Variants in NFKBIB observed in about 807,000 individuals in gnomAD.
NFKBIB encodes NFKB inhibitor beta.
NFKBIB carries 16 observed loss-of-function variants against 32.1 expected under a neutral mutation model. That is an observed-to-expected ratio of 0.50 (90% confidence interval 0.34 to 0.76). The LOEUF (loss-of-function observed/expected upper bound fraction) is 0.76, where lower values mean the gene tolerates loss of function less well. NFKBIB is among the 30% of genes least tolerant of loss of function. NFKBIB has a pLI of 0.01. For missense variants in NFKBIB, 437 were observed against 514.9 expected, an observed-to-expected ratio of 0.85 and a Z score of 1.46; for synonymous variants, 222 against 219.5, an observed-to-expected ratio of 1.01 and a Z score of -0.10.
At chr19:38,902,081 A>ATTTTTTTTTTT (rs1220793422) in intron 1 of NFKBIB, among the ~76,000 whole-genome samples, 1 of 56,460 alleles carries the variant, frequency 1.8e-5, no homozygotes. Context: ...TTTTCATTTT[A>ATTTTTTTTTTT]TTTCTTTTTT....
Position 38,908,733 on chromosome 19 carries a change from T to G in NFKBIB, c.972T>G (p.Asp324Glu). The G allele has an allele frequency of 1.2e-6, 2 of 1,612,174 alleles. No individual in the cohort carries two copies. The highest frequency in any genetic ancestry group is 1.7e-6 in the Non-Finnish European group (2 of 1,179,194). Residue 324 changes from aspartate (D) to glutamate (E), a missense_variant and splice_region_variant, in exon 6 of 6, where the codon GAT (aspartate) becomes GAG (glutamate). Coordinates refer to ENST00000313582, the MANE Select transcript of NFKBIB (RefSeq NM_002503.5). ...TGCCTGGTCCCCTTTGCCCCCAGGA[T>G]GAATACGACGACATTGTGGTTCACA... is the stretch of plus-strand genomic sequence containing the variant. ...SSDSDSGDEG[D>E]EYDDIVVHSS...
chr19:38,901,692 C>A (rs1973971064), intron 1 of NFKBIB, among the ~76,000 whole-genome samples: 1 of 152,080 alleles, frequency 6.6e-6, no homozygotes, highest in Non-Finnish European at 1.5e-5. Flanking sequence ...GCAGTTTCAC[C>A]ATGTTGGCCA....
At chr19:38,907,957 G>A (rs1974196986) in intron 5 of NFKBIB, 2 of 1,234,350 alleles carry the variant, frequency 1.6e-6, no homozygotes, top group South Asian at 2.9e-5. Flanking sequence ...TAGCGCTGGG[G>A]GTGATTTTAG....
chr19:38,907,134 G>T, intron 3 of NFKBIB, 87 bp from the exon 4 acceptor site: 2 of 1,242,698 alleles, frequency 1.6e-6, no homozygotes, highest in Admixed American at 4.1e-5. Context: ...TCACCCTCAC[G>T]CCACATGACC....
chr19:38,908,728 CA>C lies in NFKBIB; in HGVS notation c.970-2del. 1 of 1,611,530 alleles carries C rather than the reference CA, an allele frequency of 6.2e-7. No homozygotes were observed. The highest frequency in any genetic ancestry group is 8.5e-7 in the Non-Finnish European group (1 of 1,178,874). ...CCCTCTGCCTGGTCCCCTTTGCCCC[CA>C]GGATGAATACGACGACATTGTGGTT... On this transcript the variant is annotated splice_acceptor_variant, in intron 5 of 5. Transcript: ENST00000313582. LOFTEE classifies it high-confidence loss of function.
intron 1 of NFKBIB, 133 bp downstream of exon 1, chr19:38,900,344 A>C: frequency 1.0e-6 from 1 of 970,658 alleles, no homozygotes; most frequent in Middle Eastern, 2.3e-4. Flanking sequence ...CTGACCTCTA[A>C]CCCCCGAGTC....
upstream of NFKBIB, chr19:38,899,861 C>CT (rs1235230155): frequency 1.1e-5 from 8 of 760,470 alleles, no homozygotes; most frequent in Non-Finnish European, 1.5e-5. Flanking sequence ...CCCGAATACT[C>CT]TGATTGGTCA....
In NFKBIB at chr19:38,905,538, G is replaced by A. The variant is rs1293305379; in HGVS notation, c.619+3G>A. 11 of 1,596,400 alleles carry A rather than the reference G, an allele frequency of 6.9e-6. No individual in the cohort carries two copies. The highest frequency in any genetic ancestry group is 3.4e-5 in the Admixed American group (2 of 58,324). Reference sequence around the variant, plus strand: ...GCTGGAGGCTGAAAACTACGAGGGTGAGGGTCGTCACCAGGGAAGGACTCA... The same window carrying A: ...GCTGGAGGCTGAAAACTACGAGGGTAAGGGTCGTCACCAGGGAAGGACTCA... On this transcript the variant is annotated splice_donor_region_variant and intron_variant, in intron 3 of 5. Coordinates refer to ENST00000313582, the MANE Select transcript of NFKBIB (RefSeq NM_002503.5). This position sits in a 1 kb window ranked among gnomAD's most constrained non-coding sequence, Gnocchi z 5.5.
chr19:38,906,439 G>A (rs568639576), intron 3 of NFKBIB, among the ~76,000 whole-genome samples: 4 of 149,310 alleles, frequency 2.7e-5, no homozygotes, highest in African/African-American at 5.0e-5. Context: ...GTGAGCCACC[G>A]TGCCTGGGCA....
chr19:38,902,085 C>CTTTTTTTTTTTTTTTTTTTTTTTTTTTT lies in NFKBIB; in HGVS notation c.179+1887_179+1888insTTTTTTTTTTTTTTTTTTTTTTTTTTTT, dbSNP rs74176475. 5.4e-5 allele frequency among the ~76,000 whole-genome samples: 5 copies of CTTTTTTTTTTTTTTTTTTTTTTTTTTTT among 92,386 alleles called. 2 individuals are homozygous for CTTTTTTTTTTTTTTTTTTTTTTTTTTTT. The highest frequency in any genetic ancestry group is 2.0e-4 in the African/African-American group (5 of 25,508). The allele number at this position is 92,386 out of a possible 152,430, so 60.6% of individuals were successfully genotyped here. A position where few individuals can be genotyped will look rare whatever the true frequency, so the allele number is the denominator to read the frequency against. ...CTGTATAGTGTTTTTCATTTTATTT[C>CTTTTTTTTTTTTTTTTTTTTTTTTTTTT]TTTTTTTTTTTTTGAGATGGAGTCT... On this transcript the variant is annotated intron_variant, in intron 1 of 5. Transcript: ENST00000313582.
chr19:38,900,350 G>T, intron 1 of NFKBIB, 139 bp downstream of exon 1: 1 of 922,172 alleles, frequency 1.1e-6, no homozygotes. Context: ...TCTAACCCCC[G>T]AGTCCTAACT....
In NFKBIB at chr19:38,905,330, G is replaced by A. The variant is rs1447342492; in HGVS notation, c.414G>A (p.Gly138=). 1 of 1,610,220 alleles carries A rather than the reference G, an allele frequency of 6.2e-7. No homozygotes were observed. Among genetic ancestry groups the A allele is most frequent in the Non-Finnish European group, 8.5e-7 (1 of 1,178,894 alleles). The change falls in exon 3 of 6, where the codon GGG becomes GGA. Residue 138 remains glycine, a synonymous_variant. Transcript: ENST00000313582. This position sits in a 1 kb window ranked among gnomAD's most constrained non-coding sequence, Gnocchi z 5.5. The stretch of plus-strand genomic sequence containing the variant: ...CGCTGCACCTGGCCTGCCGTGTGGG[G>A]GCACACGCCTGTGCCCGTGCCCTGC... ...HTALHLACRV[G]AHACARALLQ... is the part of the protein sequence containing the mutation.
Position 38,900,054 on chromosome 19 carries a change from G to T in NFKBIB, c.22G>T (p.Gly8Ter). ...GGCCATGGCTGGGGTCGCGTGCTTG[G>T]GAAAAGCTGCCGACGCAGATGAATG... is the stretch of plus-strand genomic sequence containing the variant. MAGVACL[G>*]KAADADEWCD... is the part of the protein sequence containing the mutation. The change falls in exon 1 of 6, where the codon GGA becomes TGA. Residue 8 changes from glycine to a stop codon, truncating the protein, a stop_gained. Transcript: ENST00000313582. LOFTEE classifies it high-confidence loss of function. 6.7e-7 allele frequency: 1 copy of T among 1,497,714 alleles called. No homozygotes were observed. The highest frequency in any genetic ancestry group is 2.5e-5 in the East Asian group (1 of 40,258). 92.8% of individuals were successfully genotyped at this position (1,497,714 alleles called of 1,614,324 possible).
At chr19:38,907,188 C>T (rs770168537) in intron 3 of NFKBIB, 33 bp from the exon 4 acceptor site, 2 of 1,581,408 alleles carry the variant, frequency 1.3e-6, no homozygotes, top group Non-Finnish European at 8.7e-7. Context: ...GGGCCCTCAC[C>T]TCATCATCTG....
intron 1 of NFKBIB, among the ~76,000 whole-genome samples, chr19:38,904,749 CTTGTTT>C (rs766882653): frequency 4.0e-5 from 6 of 151,060 alleles, no homozygotes; most frequent in Non-Finnish European, 8.9e-5. Flanking sequence ...TCGTCTGACT[CTTGTTT>C]GTTTGTTTGT....
intron 1 of NFKBIB, among the ~76,000 whole-genome samples, chr19:38,902,850 CA>C (rs1974009548): frequency 6.6e-6 from 1 of 152,074 alleles, no homozygotes; most frequent in South Asian, 2.1e-4. Flanking sequence ...CCAAGGCGGA[CA>C]GATCACAAGG....
At chr19:38,907,995 C>A in intron 5 of NFKBIB, 2 of 1,153,204 alleles carry the variant, frequency 1.7e-6, no homozygotes, top group Non-Finnish European at 2.1e-6. Context: ...ACTCACACTG[C>A]GAAAAGAAAA....
At chr19:38,908,709 G>T in intron 5 of NFKBIB, 22 bp from the exon 6 acceptor site, 1 of 1,605,928 alleles carries the variant, frequency 6.2e-7, no homozygotes, top group Non-Finnish European at 8.5e-7. Context: ...GAGCCCCTCT[G>T]CCTGGTCCCC....
chr19:38,902,085 C>CTTTTCTTTTTTTTTTTT (rs1555739746), intron 1 of NFKBIB, among the ~76,000 whole-genome samples: 2 of 92,368 alleles, frequency 2.2e-5, no homozygotes, highest in Non-Finnish European at 4.1e-5. Context: ...CATTTTATTT[C>CTTTTCTTTTTTTTTTTT]TTTTTTTTTT....
Sources: gnomAD v4.1 joint callset for allele counts (sites outside exome capture counted in the v4.1 genomes callset) on GRCh38, gnomAD v4.1.1 for gene constraint, Gnocchi (gnomAD v3.1) non-coding constraint, MANE v1.5 for transcripts, NCBI Gene and HGNC (gene_info 2026-07-23, HGNC 2026-07-21) for gene names.